Variants in SLC36A1 observed in about 807,000 individuals in gnomAD.
SLC36A1 encodes the protein solute carrier family 36 member 1.
SLC36A1 carries 30 observed loss-of-function variants against 47.5 expected under a neutral mutation model. The observed-to-expected ratio is 0.63, with a 90% CI of 0.47 to 0.86. The LOEUF (loss-of-function observed/expected upper bound fraction) is 0.86. SLC36A1 is among the 40% of genes least tolerant of loss of function. SLC36A1 has a pLI of 0.00. For synonymous variants in SLC36A1, 255 were observed against 249.7 expected (o/e 1.02, Z -0.20); for missense variants, 517 against 606.0 (o/e 0.85, Z 1.54).
At chr5:151,508,709 C>CAA in the SLC36A1 span, among the ~76,000 whole-genome samples, 5 of 110,162 alleles carry the variant, frequency 4.5e-5, no homozygotes, top group African/African-American at 6.5e-5. Flanking sequence ...AACTCCTTCT[C>CAA]AAAAAAAAAA....
chr5:151,479,931 G>T, intron 10 of SLC36A1: 1 of 568,468 alleles, frequency 1.8e-6, no homozygotes, highest in Non-Finnish European at 3.0e-6. Flanking sequence ...GAGGCTTTAT[G>T]ATAGTATTCT....
chr5:151,402,651 G>T, the SLC36A1 span, among the ~76,000 whole-genome samples: 1 of 152,056 alleles, frequency 6.6e-6, no homozygotes, highest in African/African-American at 2.4e-5. Context: ...TCATTGGTTG[G>T]TAGGTTTTTC....
At chr5:151,394,098 G>C in the SLC36A1 span, among the ~76,000 whole-genome samples, 2 of 152,084 alleles carry the variant, frequency 1.3e-5, no homozygotes, top group East Asian at 1.9e-4. Flanking sequence ...GGTTTTGTTT[G>C]TTTCCTTTTA....
chr5:151,397,678 C>G, the SLC36A1 span, among the ~76,000 whole-genome samples: 1 of 146,600 alleles, frequency 6.8e-6, no homozygotes, highest in Admixed American at 7.0e-5. Flanking sequence ...GCGGGAGAAT[C>G]GCTTGAATCC....
chr5:151,459,010 C>A, intron 2 of SLC36A1, 75 bp downstream of exon 2: 1 of 1,471,396 alleles, frequency 6.8e-7, no homozygotes, highest in Non-Finnish European at 9.2e-7. Flanking sequence ...ATTTTTCCCC[C>A]CAATTTCATC....
chr5:151,553,871 G>A, the SLC36A1 span, among the ~76,000 whole-genome samples: 1 of 152,222 alleles, frequency 6.6e-6, no homozygotes, highest in African/African-American at 2.4e-5. Flanking sequence ...AAGGCTCAGT[G>A]TGGTCGATTC....
At chr5:151,541,797 G>A in the SLC36A1 span, among the ~76,000 whole-genome samples, 9 of 152,326 alleles carry the variant, frequency 5.9e-5, no homozygotes, top group East Asian at 5.8e-4. Context: ...TTCCACATAC[G>A]TGAAATGAAG....
At chr5:151,501,395 T>C in the SLC36A1 span, among the ~76,000 whole-genome samples, 5 of 149,470 alleles carry the variant, frequency 3.3e-5, no homozygotes, top group African/African-American at 1.3e-4. Flanking sequence ...TGTCTCGGTG[T>C]CATCATGGTT....
the SLC36A1 span, among the ~76,000 whole-genome samples, chr5:151,349,084 C>T: frequency 6.6e-6 from 1 of 152,146 alleles, no homozygotes; most frequent in African/African-American, 2.4e-5. Flanking sequence ...CCTGAGATTC[C>T]ACAATTTAAA....
At chr5:151,369,864 A>C in the SLC36A1 span, among the ~76,000 whole-genome samples, 1 of 151,994 alleles carries the variant, frequency 6.6e-6, no homozygotes, top group African/African-American at 2.4e-5. Context: ...GTGCGATCTC[A>C]GCTCACTGCA....
chr5:151,471,130 C>A (rs1757254949), intron 7 of SLC36A1, among the ~76,000 whole-genome samples: 1 of 152,166 alleles, frequency 6.6e-6, no homozygotes, highest in Non-Finnish European at 1.5e-5. Context: ...TTAGAAACTG[C>A]AATACATTAA....
the SLC36A1 span, chr5:151,382,104 C>T: frequency 1.2e-6 from 1 of 810,884 alleles, no homozygotes; most frequent in Admixed American, 1.8e-5. Context: ...GACAGTCATC[C>T]ACATGGTGCT....
At chr5:151,360,429 T>C in the SLC36A1 span, among the ~76,000 whole-genome samples, 42 of 151,944 alleles carry the variant, frequency 2.8e-4, no homozygotes, top group African/African-American at 9.7e-4. Context: ...TTAAATGGAG[T>C]TGGGTCATCA....
chr5:151,507,710 C>G, the SLC36A1 span: 1 of 1,109,336 alleles, frequency 9.0e-7, no homozygotes, highest in Non-Finnish European at 1.2e-6. Context: ...CCCCCCAAAA[C>G]CTACCATCTC....
upstream of SLC36A1, among the ~76,000 whole-genome samples, chr5:151,444,497 T>A (rs12332576): frequency 0.23 from 35,345 of 152,096 alleles, 4,434 homozygotes; most frequent in African/African-American, 0.31. Context: ...ATTGATTTTT[T>A]AATTTTTTTT....
intron 2 of SLC36A1, among the ~76,000 whole-genome samples, chr5:151,460,502 C>T (rs766653442): frequency 1.5e-4 from 23 of 152,216 alleles, no homozygotes; most frequent in Non-Finnish European, 2.8e-4. Context: ...TACTTTGTTC[C>T]GAGTTTCCCT....
the SLC36A1 span, among the ~76,000 whole-genome samples, chr5:151,537,350 AAAAAG>A: frequency 1.3e-5 from 1 of 77,164 alleles, no homozygotes; most frequent in African/African-American, 3.2e-5. Context: ...AAAGAAAAGA[AAAAAG>A]AAGGAAGGAA....
intron 1 of SLC36A1, among the ~76,000 whole-genome samples, chr5:151,450,351 G>A (rs1203878911): frequency 1.3e-5 from 2 of 151,674 alleles, no homozygotes; most frequent in Non-Finnish European, 2.9e-5. Context: ...TGGGATGGAC[G>A]GAGCCGGTGT....
intron 1 of SLC36A1, among the ~76,000 whole-genome samples, chr5:151,438,027 T>A (rs1363357757): frequency 6.6e-6 from 1 of 152,114 alleles, no homozygotes; most frequent in Non-Finnish European, 1.5e-5. Context: ...AACCTTGTGA[T>A]TTATACTAGG....
Sources: gnomAD v4.1 joint callset for allele counts (sites outside exome capture counted in the v4.1 genomes callset) on GRCh38, gnomAD v4.1.1 for gene constraint, MANE v1.5 for transcripts, NCBI Gene and HGNC (gene_info 2026-07-23, HGNC 2026-07-21) for gene names.